Variants in RALGPS2 observed in about 807,000 individuals in gnomAD.
The protein encoded by RALGPS2 is ras-specific guanine nucleotide-releasing factor RalGPS2.
In RALGPS2, 43 loss-of-function variants were observed where a neutral mutation model predicts 86.8. That is an observed-to-expected ratio of 0.50 (90% CI 0.39 to 0.64). The LOEUF (loss-of-function observed/expected upper bound fraction) is 0.64, where lower values mean the gene tolerates loss of function less well. RALGPS2 is among the 30% of genes least tolerant of loss of function. RALGPS2 has a pLI of 0.00. For synonymous variants in RALGPS2, 243 were observed against 231.3 expected (o/e 1.05, Z -0.46); for missense variants, 536 against 694.6 (o/e 0.77, Z 2.57).
At chr1:178,776,340 T>C (rs1653081366) in intron 1 of RALGPS2, among the ~76,000 whole-genome samples, 1 of 152,260 alleles carries the variant, frequency 6.6e-6, no homozygotes, top group African/African-American at 2.4e-5. Flanking sequence ...TGTTGTGGTA[T>C]GTGTTACTTT....
intron 19 of RALGPS2, among the ~76,000 whole-genome samples, chr1:178,908,333 C>T (rs533521627): frequency 2.6e-5 from 4 of 152,226 alleles, no homozygotes; most frequent in Non-Finnish European, 5.9e-5. Context: ...ATCCAATCCA[C>T]TGTTGACAGG....
At chr1:178,805,102 T>G (rs1312619617) in intron 4 of RALGPS2, among the ~76,000 whole-genome samples, 2 of 152,072 alleles carry the variant, frequency 1.3e-5, no homozygotes, top group South Asian at 2.1e-4. Flanking sequence ...GTTCATGTCC[T>G]TCACCCATTT....
chr1:178,850,623 A>C (rs1163557388), intron 8 of RALGPS2: 1 of 152,362 alleles, frequency 6.6e-6, no homozygotes, highest in Non-Finnish European at 1.5e-5. Flanking sequence ...AAAGGCACAA[A>C]TTCAATTTGA....
At position 178,909,406 on chromosome 1, in the gene RALGPS2, G is replaced by A. The variant is rs1572475028; in HGVS notation, c.1722+2539G>A. ...AATTGCTTTAGCTATTTGGGCTTTT[G>A]TTGTTGTTGTTGTTGTTGTTGTTCC... On this transcript the variant is annotated intron_variant, in intron 19 of 19. Coordinates refer to ENST00000367635, the MANE Select transcript of RALGPS2 (RefSeq NM_152663.5). 2.0e-5 allele frequency among the ~76,000 whole-genome samples: 3 copies of A among 151,172 alleles called. No homozygotes were observed. In the South Asian group the frequency reaches 6.3e-4, roughly 32 times the overall value.
chr1:178,906,698 G>A, intron 18 of RALGPS2, 78 bp from the exon 19 acceptor site: 1 of 1,116,064 alleles, frequency 9.0e-7, no homozygotes, highest in Admixed American at 2.4e-5. Context: ...TGTTTAATTT[G>A]CTCATTATTA....
At chr1:178,829,936 C>T (rs1284968186) in intron 7 of RALGPS2, among the ~76,000 whole-genome samples, 1 of 151,762 alleles carries the variant, frequency 6.6e-6, no homozygotes, top group Non-Finnish European at 1.5e-5. Context: ...GTAGAGATGG[C>T]GTTTTGCCTT....
At chr1:178,728,287 C>T (rs971726624) in intron 1 of RALGPS2, among the ~76,000 whole-genome samples, 2 of 151,818 alleles carry the variant, frequency 1.3e-5, no homozygotes, top group Non-Finnish European at 2.9e-5. Flanking sequence ...TCTGCTTTTT[C>T]AGAAATTTTT....
chr1:178,815,960 T>G (rs1213340649), intron 6 of RALGPS2, among the ~76,000 whole-genome samples: 1 of 152,236 alleles, frequency 6.6e-6, no homozygotes, highest in Non-Finnish European at 1.5e-5. Flanking sequence ...TGTATGGATA[T>G]TCCACAATTT....
At chr1:178,861,585 A>G (rs1572418329) in intron 8 of RALGPS2, among the ~76,000 whole-genome samples, 1 of 152,108 alleles carries the variant, frequency 6.6e-6, no homozygotes, top group South Asian at 2.1e-4. Context: ...AATTGGTTAT[A>G]CCATCCACTC....
At chr1:178,838,802 T>C (rs557883431) in intron 8 of RALGPS2, among the ~76,000 whole-genome samples, 2 of 152,192 alleles carry the variant, frequency 1.3e-5, no homozygotes, top group South Asian at 2.1e-4. Context: ...GAATAACCAG[T>C]GTAGAGAAGT....
intron 8 of RALGPS2, among the ~76,000 whole-genome samples, chr1:178,857,081 A>G (rs1657638490): frequency 6.6e-6 from 1 of 152,196 alleles, no homozygotes; most frequent in African/African-American, 2.4e-5. Context: ...AAGAGCCTAT[A>G]TTTCAGAAAA....
intron 6 of RALGPS2, among the ~76,000 whole-genome samples, 193 bp from the exon 7 acceptor site, chr1:178,821,419 G>C (rs12139616): frequency 0.045 from 6,858 of 152,238 alleles, 158 homozygotes; most frequent in Non-Finnish European, 0.057. Flanking sequence ...TGCCAGGGTA[G>C]AACATGTAAG....
At chr1:178,790,055 C>T (rs1416018069) in intron 4 of RALGPS2, among the ~76,000 whole-genome samples, 3 of 152,062 alleles carry the variant, frequency 2.0e-5, no homozygotes, top group African/African-American at 7.2e-5. Flanking sequence ...CCCAAATGAT[C>T]CTCCCACCTC....
At chr1:178,744,612 G>A (rs1179838631) in intron 1 of RALGPS2, among the ~76,000 whole-genome samples, 23 of 151,878 alleles carry the variant, frequency 1.5e-4, no homozygotes, top group South Asian at 1.0e-3. Context: ...TCAGGAGCTC[G>A]AGACCAGCCT....
intron 16 of RALGPS2, among the ~76,000 whole-genome samples, chr1:178,896,386 A>G (rs1048299995): frequency 6.6e-6 from 1 of 151,868 alleles, no homozygotes; most frequent in Admixed American, 6.6e-5. Flanking sequence ...ATTAAGGTTC[A>G]TTTGTATAAT....
At chr1:178,758,762 GATGTAT>G (rs1431751622) in intron 1 of RALGPS2, among the ~76,000 whole-genome samples, 1 of 152,134 alleles carries the variant, frequency 6.6e-6, no homozygotes, top group Non-Finnish European at 1.5e-5. Flanking sequence ...AGTACTCCAT[GATGTAT>G]ATGTATAATA....
At chr1:178,801,046 C>T (rs1654445806) in intron 4 of RALGPS2, among the ~76,000 whole-genome samples, 1 of 152,052 alleles carries the variant, frequency 6.6e-6, no homozygotes, top group East Asian at 1.9e-4. Flanking sequence ...CCTGCCTCAG[C>T]CTCCCAAGTA....
intron 1 of RALGPS2, among the ~76,000 whole-genome samples, chr1:178,769,108 A>G (rs899124366): frequency 2.6e-5 from 4 of 152,028 alleles, no homozygotes; most frequent in Middle Eastern, 3.4e-3. Flanking sequence ...CAGGCTACCA[A>G]TCCCAGCAAA....
intron 19 of RALGPS2, among the ~76,000 whole-genome samples, chr1:178,909,623 A>G (rs1198230943): frequency 6.8e-6 from 1 of 146,282 alleles, no homozygotes; most frequent in Non-Finnish European, 1.5e-5. Flanking sequence ...CAATTTTTGT[A>G]ATTCTCTTTT....
Sources: gnomAD v4.1 joint callset for allele counts (sites outside exome capture counted in the v4.1 genomes callset) on GRCh38, gnomAD v4.1.1 for gene constraint, MANE v1.5 for transcripts, NCBI Gene and HGNC (gene_info 2026-07-23, HGNC 2026-07-21) for gene names.